ATP11C: variants seen among roughly 807,000 people sequenced by gnomAD.
ATP11C encodes phospholipid-transporting ATPase IG.
ATP11C carries 36 observed loss-of-function variants against 97.4 expected under a neutral mutation model. The ratio of observed to expected loss-of-function variants is 0.37; its 90% CI spans 0.28 to 0.49. ATP11C has a LOEUF of 0.49. ATP11C is among the 20% of genes least tolerant of loss of function. ATP11C has a pLI of 0.98. For synonymous variants in ATP11C, 275 were observed against 290.9 expected (o/e 0.95, Z 0.56); for missense variants, 730 against 824.6 (o/e 0.89, Z 1.40).
At chrX:139,757,990 A>G (rs1002470200) in intron 22 of ATP11C, 123 bp from the exon 23 acceptor site, 17 of 434,003 alleles carry the variant, frequency 3.9e-5, no homozygotes, top group Non-Finnish European at 5.4e-5. Flanking sequence ...GTCAGAATGC[A>G]ATAAACCTCT....
intron 19 of ATP11C, among the ~76,000 whole-genome samples, chrX:139,771,524 G>C (rs1220414354): frequency 9.0e-6 from 1 of 111,599 alleles, no homozygotes; most frequent in Non-Finnish European, 1.9e-5. Context: ...AGGAAGACAG[G>C]AAAATGTGGG....
intron 1 of ATP11C, among the ~76,000 whole-genome samples, chrX:139,855,873 C>T (rs1313000753): frequency 9.0e-6 from 1 of 111,572 alleles, no homozygotes; most frequent in Non-Finnish European, 1.9e-5. Flanking sequence ...AGGAGGCTTG[C>T]CCCCCGATGT....
intron 26 of ATP11C, among the ~76,000 whole-genome samples, chrX:139,741,719 T>C (rs1326804913): frequency 8.9e-6 from 1 of 111,888 alleles, no homozygotes; most frequent in Admixed American, 9.5e-5. Flanking sequence ...TCAGTTAGAT[T>C]TTAATCTCTT....
intron 1 of ATP11C, among the ~76,000 whole-genome samples, chrX:139,867,048 T>C (rs1453443771): frequency 8.9e-6 from 1 of 111,884 alleles, no homozygotes; most frequent in African/African-American, 3.3e-5. Flanking sequence ...TTTGCACTAC[T>C]GCACTCCAGA....
chrX:139,803,094 A>C (rs760772104), intron 6 of ATP11C, among the ~76,000 whole-genome samples: 1 of 111,720 alleles, frequency 9.0e-6, no homozygotes, highest in African/African-American at 3.3e-5. Context: ...CAATGTCTGA[A>C]CTATATTTAA....
intron 3 of ATP11C, among the ~76,000 whole-genome samples, chrX:139,818,085 G>C (rs1248699759): frequency 9.0e-6 from 1 of 111,370 alleles, no homozygotes; most frequent in Admixed American, 9.6e-5. Context: ...TGAAATACCA[G>C]TTCAGCATTC....
chrX:139,867,166 A>C (rs1005748894), intron 1 of ATP11C, among the ~76,000 whole-genome samples: 3 of 112,272 alleles, frequency 2.7e-5, no homozygotes, highest in African/African-American at 9.7e-5. Flanking sequence ...CTAAGTGCCT[A>C]CTACATACCT....
At chrX:139,838,944 T>C (rs2083787131) in intron 1 of ATP11C, among the ~76,000 whole-genome samples, 1 of 94,540 alleles carries the variant, frequency 1.1e-5, no homozygotes, top group Non-Finnish European at 2.0e-5. Context: ...CAAGATTCTG[T>C]CTCAAAAAAA....
rs755958144 is a variant in ATP11C, at chrX:139,833,089, TTTTA to T, written c.28-6270_28-6267del. On this transcript the variant is annotated intron_variant, in intron 1 of 29. Coordinates refer to ENST00000682941, the MANE Select transcript of ATP11C (RefSeq NM_001353812.2). ...CTGGTGTCTGACGACCTGAACAGGG[TTTTA>T]TTTCTTTTTTCAGTGATAGTGTCAT... 2.7e-5 allele frequency among the ~76,000 whole-genome samples: 3 copies of T among 111,155 alleles called. No homozygotes were observed. In the South Asian group the frequency reaches 1.2e-3, roughly 43 times the overall value.
intron 1 of ATP11C, among the ~76,000 whole-genome samples, chrX:139,873,706 CAAAAA>C (rs58064711): frequency 5.8e-5 from 1 of 17,314 alleles, no homozygotes. Context: ...GACTCCAACT[CAAAAA>C]AAAAAAAAAA....
At chrX:139,851,291 T>C (rs1387196323) in intron 1 of ATP11C, among the ~76,000 whole-genome samples, 1 of 112,293 alleles carries the variant, frequency 8.9e-6, no homozygotes, top group Non-Finnish European at 1.9e-5. Flanking sequence ...GAGCTGCTGC[T>C]CCACAAAGTC....
chrX:139,777,098 G>A (rs2082362996), intron 18 of ATP11C, among the ~76,000 whole-genome samples: 1 of 111,489 alleles, frequency 9.0e-6, no homozygotes, highest in Non-Finnish European at 1.9e-5. Flanking sequence ...AGGAATCAGT[G>A]TAAGAACTCT....
chrX:139,848,396 CAT>C (rs1039269593), intron 1 of ATP11C, among the ~76,000 whole-genome samples: 9 of 111,288 alleles, frequency 8.1e-5, no homozygotes, highest in African/African-American at 2.6e-4. Flanking sequence ...TCTGTTATCA[CAT>C]ATTACTTCAT....
intron 5 of ATP11C, among the ~76,000 whole-genome samples, chrX:139,806,852 G>C (rs1472681863): frequency 1.8e-5 from 2 of 111,520 alleles, no homozygotes; most frequent in Non-Finnish European, 3.8e-5. Flanking sequence ...TCTGCATCTA[G>C]GAGAAAGGCA....
In ATP11C at chrX:139,859,279, C is replaced by G. The variant is rs999178407; in HGVS notation, c.28-32456G>C. On this transcript the variant is annotated intron_variant, in intron 1 of 29. Coordinates refer to ENST00000682941, the MANE Select transcript of ATP11C (RefSeq NM_001353812.2). ...GAATAAGTTACAGTGTTCTATAGCA[C>G]TGTAGGGTGACTACAATTAATAATT... Among the ~76,000 whole-genome samples the G allele has an allele frequency of 1.0e-3, 112 of 111,526 alleles. 1 individual carries two copies. Among genetic ancestry groups the G allele is most frequent in the African/African-American group, 3.4e-3 (104 of 30,646 alleles).
intron 18 of ATP11C, among the ~76,000 whole-genome samples, chrX:139,782,184 G>A (rs766662835): frequency 4.4e-4 from 48 of 109,163 alleles, no homozygotes; most frequent in East Asian, 8.7e-4. Flanking sequence ...AAAATTAGCC[G>A]GGCGTGGTGG....
intron 1 of ATP11C, among the ~76,000 whole-genome samples, chrX:139,924,842 T>G (rs1266451027): frequency 8.9e-6 from 1 of 111,829 alleles, no homozygotes; most frequent in Non-Finnish European, 1.9e-5. Context: ...GCACATGGTT[T>G]CCTCCAGACT....
At chrX:139,880,331 G>C (rs780866932) in intron 1 of ATP11C, among the ~76,000 whole-genome samples, 2 of 111,849 alleles carry the variant, frequency 1.8e-5, no homozygotes, top group African/African-American at 6.5e-5. Context: ...GACATAGTGA[G>C]TATGAGATGT....
At chrX:139,834,974 T>A (rs1286296335) in intron 1 of ATP11C, among the ~76,000 whole-genome samples, 1 of 112,436 alleles carries the variant, frequency 8.9e-6, no homozygotes, top group Non-Finnish European at 1.9e-5. Flanking sequence ...TCCAGTGACA[T>A]CACATTCTGT....
Sources: allele counts gnomAD v4.1 joint callset (sites outside exome capture counted in the v4.1 genomes callset), GRCh38; gene constraint gnomAD v4.1.1; transcripts MANE v1.5; gene names NCBI Gene and HGNC (gene_info 2026-07-23, HGNC 2026-07-21).